STON2: variants seen among roughly 807,000 people sequenced by gnomAD.
STON2 encodes the protein stonin 2, also known as stonin-2.
STON2 carries 29 observed loss-of-function variants against 65.7 expected under a neutral mutation model. That is an observed-to-expected ratio of 0.44 (90% CI 0.33 to 0.60). STON2 has a LOEUF of 0.60. Among genes scored for constraint, STON2 ranks in the 20% least tolerant of loss-of-function variants. The pLI is 0.03. For missense variants in STON2, 1,054 were observed against 1,118.1 expected, an observed-to-expected ratio of 0.94 and a Z score of 0.82; for synonymous variants, 404 against 414.2, an observed-to-expected ratio of 0.98 and a Z score of 0.30.
intron 2 of STON2, among the ~76,000 whole-genome samples, chr14:81,408,961 AACTCC>A (rs1566947792): frequency 6.6e-6 from 1 of 152,204 alleles, no homozygotes; most frequent in Non-Finnish European, 1.5e-5. Flanking sequence ...ATCTTGGTTT[AACTCC>A]ACTTCATATT....
intron 1 of STON2, chr14:81,427,496 A>G (rs1234942867): frequency 6.6e-6 from 1 of 152,230 alleles, no homozygotes; most frequent in East Asian, 1.9e-4. Flanking sequence ...GGGAACTTAA[A>G]ATCAACCGGA....
At position 81,262,934 on chromosome 14, in the gene STON2, A is replaced by G. The variant is rs1017804420; in HGVS notation, c.*5480T>C. On this transcript the variant is annotated 3_prime_UTR_variant, in exon 8 of 8. Transcript: ENST00000614646. ...CTAAAGCCAGTCTCATTTAAACAAGATAAGAAATGGTTTGTGGGGAATTAG... is the reference window on the plus strand; with the variant it reads ...CTAAAGCCAGTCTCATTTAAACAAGGTAAGAAATGGTTTGTGGGGAATTAG... The G allele has an allele frequency of 7.1e-6, 7 of 985,328 alleles. No individual in the cohort carries two copies. Among genetic ancestry groups the G allele is most frequent in the African/African-American group, 7.0e-5 (4 of 57,248 alleles). 61.0% of individuals were successfully genotyped at this position (985,328 alleles called of 1,614,324 possible).
chr14:81,358,607 T>C (rs935348540), intron 4 of STON2, among the ~76,000 whole-genome samples: 2 of 152,002 alleles, frequency 1.3e-5, no homozygotes, highest in African/African-American at 4.8e-5. Context: ...AAAGAGTGAC[T>C]GCATGGATAA....
chr14:81,360,421 T>C (rs72703718), intron 4 of STON2, among the ~76,000 whole-genome samples: 2,802 of 151,728 alleles, frequency 0.018, 43 homozygotes, highest in South Asian at 0.075. Context: ...AAATAAAAGA[T>C]AAAAAAAGAT....
In STON2 at chr14:81,269,380, T is replaced by C. The variant is rs536858397; in HGVS notation, c.2785-883A>G. The C allele has an allele frequency of 4.1e-6, 4 of 985,428 alleles. No homozygotes were observed. The East Asian group carries it at 4.5e-4, about 112-fold the overall frequency. The allele number at this position is 985,428 out of a possible 1,614,324, so 61.0% of individuals were successfully genotyped here. A position where few individuals can be genotyped will look rare whatever the true frequency, so the allele number is the denominator to read the frequency against. On this transcript the variant is annotated intron_variant, in intron 7 of 7. Transcript: ENST00000614646. ...GAATGTTTACAGTTCTGCAATATCTTCTGCAAAATACTGTCACTGTAATTA... is the reference window on the plus strand; with the variant it reads ...GAATGTTTACAGTTCTGCAATATCTCCTGCAAAATACTGTCACTGTAATTA...
chr14:81,287,832 A>G (rs1178508882), intron 5 of STON2, among the ~76,000 whole-genome samples: 1 of 152,088 alleles, frequency 6.6e-6, no homozygotes, highest in Non-Finnish European at 1.5e-5. Flanking sequence ...ACAACCAACT[A>G]TGACTGAACT....
intron 3 of STON2, among the ~76,000 whole-genome samples, chr14:81,388,842 A>T (rs1245165151): frequency 1.3e-5 from 2 of 152,184 alleles, no homozygotes; most frequent in Non-Finnish European, 2.9e-5. Flanking sequence ...TGTGTGTGCT[A>T]GTCTCTTTCC....
At chr14:81,270,418 G>A (rs1369232338) in intron 7 of STON2, 5 of 1,410,786 alleles carry the variant, frequency 3.5e-6, no homozygotes, top group Non-Finnish European at 3.7e-6. Flanking sequence ...TGCTCATAAT[G>A]ACAGAAAGAC....
chr14:81,349,428 A>T (rs1377898386), intron 4 of STON2, among the ~76,000 whole-genome samples: 1 of 152,132 alleles, frequency 6.6e-6, no homozygotes, highest in East Asian at 1.9e-4. Flanking sequence ...TGGGCAAAGG[A>T]TCAAACAGAC....
intron 4 of STON2, among the ~76,000 whole-genome samples, chr14:81,357,306 C>G (rs999838855): frequency 3.9e-5 from 6 of 152,014 alleles, no homozygotes; most frequent in African/African-American, 1.5e-4. Flanking sequence ...AAAATGCTCA[C>G]CATCACTGGC....
chr14:81,277,768 T>C lies in STON2; in HGVS notation c.1714A>G (p.Lys572Glu). Residue 572 changes from lysine to glutamate, a missense_variant, in exon 6 of 8, where the codon AAA (lysine) becomes GAA (glutamate). Lys to Glu is a moderately conservative substitution (Grantham distance 56). Transcript: ENST00000614646. The stretch of plus-strand genomic sequence containing the variant: ...TCTGCTGTGTGGGCCACAGCAGGTT[T>C]GGGCTGGTATTTCTTCTTCTCTTTA... ...TYKEKKKYQP[K>E]PAVAHTAERE... 6.2e-7 allele frequency: 1 copy of C among 1,614,188 alleles called. No individual in the cohort carries two copies. The highest frequency in any genetic ancestry group is 8.5e-7 in the Non-Finnish European group (1 of 1,180,036).
chr14:81,419,780 C>T (rs1471789603), intron 2 of STON2, among the ~76,000 whole-genome samples: 1 of 152,158 alleles, frequency 6.6e-6, no homozygotes, highest in Non-Finnish European at 1.5e-5. Flanking sequence ...GAGCCTGAGG[C>T]CAAGCTTCTA....
At chr14:81,292,766 T>G (rs1895608379) in intron 5 of STON2, among the ~76,000 whole-genome samples, 1 of 152,196 alleles carries the variant, frequency 6.6e-6, no homozygotes, top group Admixed American at 6.5e-5. Context: ...TTATAATAAG[T>G]GTCTTCTGAG....
intron 5 of STON2, among the ~76,000 whole-genome samples, chr14:81,287,789 C>T (rs1162761764): frequency 6.6e-6 from 1 of 152,158 alleles, no homozygotes; most frequent in East Asian, 1.9e-4. Context: ...CAATACTCTA[C>T]CTTTGGATCC....
At chr14:81,413,888 A>G (rs1161827880) in intron 2 of STON2, among the ~76,000 whole-genome samples, 1 of 140,708 alleles carries the variant, frequency 7.1e-6, no homozygotes, top group Non-Finnish European at 1.5e-5. Context: ...TATTAGCAAC[A>G]TTTAATCAAA....
At chr14:81,290,504 G>T (rs944272516) in intron 5 of STON2, among the ~76,000 whole-genome samples, 7 of 152,080 alleles carry the variant, frequency 4.6e-5, no homozygotes, top group Non-Finnish European at 1.0e-4. Flanking sequence ...GTATCACATC[G>T]ATCTTCTGTT....
chr14:81,373,999 CTTTTTT>C (rs57877137), intron 3 of STON2, among the ~76,000 whole-genome samples: 2 of 60,468 alleles, frequency 3.3e-5, no homozygotes, highest in East Asian at 6.7e-4. Context: ...ATAATAATGC[CTTTTTT>C]TTTTTTTTTT....
chr14:81,292,791 T>A (rs1012920460), intron 5 of STON2, among the ~76,000 whole-genome samples: 1 of 152,210 alleles, frequency 6.6e-6, no homozygotes, highest in Non-Finnish European at 1.5e-5. Flanking sequence ...ATATTTGAAA[T>A]CTTCTGTTGT....
In STON2 at chr14:81,266,776, C is replaced by G; in HGVS notation, c.*1638G>C. ...ATTTCTCTATAAACTACCGTGAAAC[C>G]AGGTCTTCCTAACACCGTTCCCATC... On this transcript the variant is annotated 3_prime_UTR_variant, in exon 8 of 8. Transcript: ENST00000614646. 1 of 983,918 alleles carries G rather than the reference C, an allele frequency of 1.0e-6. No individual in the cohort carries two copies. The allele number at this position is 983,918 out of a possible 1,614,324, so 60.9% of individuals were successfully genotyped here. A position where few individuals can be genotyped will look rare whatever the true frequency, so the allele number is the denominator to read the frequency against.
Sources: allele counts gnomAD v4.1 joint callset (sites outside exome capture counted in the v4.1 genomes callset), GRCh38; gene constraint gnomAD v4.1.1; transcripts MANE v1.5; gene names NCBI Gene and HGNC (gene_info 2026-07-23, HGNC 2026-07-21).